The following NKAIN2 variants were observed in gnomAD, a reference collection of about 807,000 sequenced individuals.
NKAIN2 encodes the protein sodium/potassium-transporting ATPase subunit beta-1-interacting protein 2.
Under a neutral mutation model 32.6 loss-of-function variants are expected in NKAIN2, and 14 were observed. The ratio of observed to expected loss-of-function variants is 0.43; its 90% CI spans 0.28 to 0.67. NKAIN2 has a LOEUF of 0.67. Ranked by LOEUF, NKAIN2 falls within the 30% of genes least tolerant of loss-of-function variation. NKAIN2 has a pLI of 0.17. For missense variants in NKAIN2, 198 were observed against 258.3 expected (o/e 0.77, Z 1.60); for synonymous variants, 80 against 87.2 (o/e 0.92, Z 0.46).
intron 3 of NKAIN2, among the ~76,000 whole-genome samples, chr6:124,414,914 A>G (rs1021478667): frequency 6.6e-6 from 1 of 152,086 alleles, no homozygotes; most frequent in Non-Finnish European, 1.5e-5. Context: ...AATATTTATA[A>G]TATTATTGAT....
At position 124,637,712 on chromosome 6, in the gene NKAIN2, G is replaced by GA. The variant is rs140774121; in HGVS notation, c.274-20471dup. Among the ~76,000 whole-genome samples the GA allele has an allele frequency of 4.8e-3, 724 of 152,048 alleles. 4 individuals carry two copies. The highest frequency in any genetic ancestry group is 0.017 in the African/African-American group (700 of 41,498). On this transcript the variant is annotated intron_variant, in intron 3 of 6. Coordinates refer to ENST00000368417, the MANE Select transcript of NKAIN2 (RefSeq NM_001040214.3). ...CTAGAAATAAATTCAGCCAAAAGAT[G>GA]AAAGATCTCTACAATGAAACAGTAA... is the stretch of plus-strand genomic sequence containing the variant.
At chr6:124,013,496 G>A (rs1780430730) in intron 1 of NKAIN2, among the ~76,000 whole-genome samples, 1 of 152,138 alleles carries the variant, frequency 6.6e-6, no homozygotes, top group African/African-American at 2.4e-5. Context: ...ATAAGGTGAG[G>A]TGACATAAGG....
At position 123,986,869 on chromosome 6, in the gene NKAIN2, G is replaced by A. The variant is rs575452973; in HGVS notation, c.54+182615G>A. Among the ~76,000 whole-genome samples the A allele has an allele frequency of 2.6e-5, 4 of 152,280 alleles. 1 individual carries two copies. Among genetic ancestry groups the A allele is most frequent in the Admixed American group, 2.6e-4 (4 of 15,288 alleles). Reference sequence around the variant, plus strand: ...ACTCAGAATGAGAGATCTCATTCATGGACTGGTTTGGTGTTGAGGTTGCCT... The same window carrying A: ...ACTCAGAATGAGAGATCTCATTCATAGACTGGTTTGGTGTTGAGGTTGCCT... On this transcript the variant is annotated intron_variant, in intron 1 of 6. Transcript: ENST00000368417.
intron 4 of NKAIN2, among the ~76,000 whole-genome samples, chr6:124,663,900 C>T (rs1419092414): frequency 1.3e-5 from 2 of 152,226 alleles, no homozygotes; most frequent in Non-Finnish European, 1.5e-5. Flanking sequence ...TTCAATGCTT[C>T]TCTATTTAGA....
chr6:124,454,715 C>T (rs1047156003), intron 3 of NKAIN2, among the ~76,000 whole-genome samples: 4 of 151,938 alleles, frequency 2.6e-5, no homozygotes, highest in Non-Finnish European at 5.9e-5. Context: ...AGTTGTTCTG[C>T]TAGGAATTGT....
intron 1 of NKAIN2, among the ~76,000 whole-genome samples, chr6:123,896,922 A>G (rs1415344832): frequency 6.6e-6 from 1 of 152,218 alleles, no homozygotes; most frequent in Non-Finnish European, 1.5e-5. Context: ...GTCTCCAAGT[A>G]TACCTGCAAC....
intron 3 of NKAIN2, among the ~76,000 whole-genome samples, chr6:124,419,727 T>C (rs549042162): frequency 6.6e-6 from 1 of 152,304 alleles, no homozygotes; most frequent in East Asian, 1.9e-4. Context: ...TTTGTTCCTT[T>C]CTGAATTATT....
rs187671896 is a variant in NKAIN2, at chr6:124,443,213, T to C, written c.273+87866T>C. 2.6e-4 allele frequency among the ~76,000 whole-genome samples: 39 copies of C among 152,238 alleles called. No individual in the cohort carries two copies. In the East Asian group the frequency reaches 7.2e-3, roughly 28 times the overall value. On this transcript the variant is annotated intron_variant, in intron 3 of 6. Coordinates refer to ENST00000368417, the MANE Select transcript of NKAIN2 (RefSeq NM_001040214.3). Reference sequence around the variant, plus strand: ...TGGGTTTTTCTCCTATCCTCCCACATGTGTCTTCTCAAGCCTCCAATTCAT... The same window carrying C: ...TGGGTTTTTCTCCTATCCTCCCACACGTGTCTTCTCAAGCCTCCAATTCAT...
chr6:124,057,453 T>C (rs944737606), intron 1 of NKAIN2, among the ~76,000 whole-genome samples: 36 of 152,056 alleles, frequency 2.4e-4, no homozygotes, highest in African/African-American at 8.4e-4. Flanking sequence ...AAATGGCATC[T>C]TTTTCTCCTT....
intron 1 of NKAIN2, among the ~76,000 whole-genome samples, chr6:123,806,262 G>T (rs573042504): frequency 6.6e-6 from 1 of 152,176 alleles, no homozygotes; most frequent in South Asian, 2.1e-4. Flanking sequence ...GTGTACATTG[G>T]AATCCTAAGG....
intron 1 of NKAIN2, among the ~76,000 whole-genome samples, chr6:124,039,306 C>T (rs189061471): frequency 6.6e-6 from 1 of 151,842 alleles, no homozygotes; most frequent in Admixed American, 6.6e-5. Flanking sequence ...CCTCAGCAAT[C>T]CTCTTTTCAA....
At chr6:124,096,889 T>G (rs1016763958) in intron 1 of NKAIN2, among the ~76,000 whole-genome samples, 1 of 151,596 alleles carries the variant, frequency 6.6e-6, no homozygotes, top group Non-Finnish European at 1.5e-5. Context: ...TTATCTGTTA[T>G]GTGTTTTCTT....
At chr6:124,035,879 G>A (rs1781586232) in intron 1 of NKAIN2, among the ~76,000 whole-genome samples, 1 of 152,262 alleles carries the variant, frequency 6.6e-6, no homozygotes, top group South Asian at 2.1e-4. Context: ...CCCGGTGATG[G>A]CAGAAAGGGC....
At chr6:124,153,959 T>C (rs1373070971) in intron 1 of NKAIN2, among the ~76,000 whole-genome samples, 3 of 151,434 alleles carry the variant, frequency 2.0e-5, no homozygotes, top group Non-Finnish European at 4.4e-5. Context: ...TTATTTCTTA[T>C]CATACTGAAG....
intron 3 of NKAIN2, among the ~76,000 whole-genome samples, chr6:124,573,016 T>A (rs1215852605): frequency 6.6e-6 from 1 of 151,986 alleles, no homozygotes; most frequent in Non-Finnish European, 1.5e-5. Flanking sequence ...ATTTTTGTAT[T>A]TTTAGTAGAG....
In NKAIN2 at chr6:124,684,000, A is replaced by G. The variant is rs768479362; in HGVS notation, c.474+25614A>G. On this transcript the variant is annotated intron_variant, in intron 4 of 6. Coordinates refer to ENST00000368417, the MANE Select transcript of NKAIN2 (RefSeq NM_001040214.3). ...TTAAGTTTCAAAACAATAACAACAC[A>G]TAAACCAGTAAATTAGGGGTGAGCA... is the stretch of plus-strand genomic sequence containing the variant. Among the ~76,000 whole-genome samples the G allele has an allele frequency of 5.1e-4, 78 of 152,346 alleles. No individual in the cohort carries two copies. The Middle Eastern group carries it at 0.01, about 20-fold the overall frequency.
intron 3 of NKAIN2, among the ~76,000 whole-genome samples, chr6:124,482,870 C>A (rs1007034761): frequency 5.3e-5 from 8 of 152,172 alleles, no homozygotes; most frequent in African/African-American, 9.6e-5. Context: ...CGCGGTGGCT[C>A]ACGCCTGTAA....
intron 2 of NKAIN2, among the ~76,000 whole-genome samples, chr6:124,326,901 C>T (rs948546844): frequency 3.9e-5 from 6 of 152,120 alleles, no homozygotes; most frequent in Admixed American, 3.9e-4. Flanking sequence ...CCCTTAGTGA[C>T]CTTAGCCACT....
At chr6:124,252,968 T>C (rs1211424362) in intron 1 of NKAIN2, among the ~76,000 whole-genome samples, 1 of 152,164 alleles carries the variant, frequency 6.6e-6, no homozygotes, top group Non-Finnish European at 1.5e-5. Context: ...AGCATATCCC[T>C]TTGTCTTCCT....
Sources: allele counts gnomAD v4.1 joint callset (sites outside exome capture counted in the v4.1 genomes callset), GRCh38; gene constraint gnomAD v4.1.1; transcripts MANE v1.5; gene names NCBI Gene and HGNC (gene_info 2026-07-23, HGNC 2026-07-21).